The following RBMS3 variants were observed in gnomAD, a reference collection of about 807,000 sequenced individuals.
RBMS3 encodes the protein RNA-binding motif, single-stranded-interacting protein 3.
RBMS3 carries 27 observed loss-of-function variants against 66.8 expected under a neutral mutation model. The observed-to-expected ratio is 0.40, with a 90% CI of 0.30 to 0.56. The LOEUF (loss-of-function observed/expected upper bound fraction) is 0.56. Among genes scored for constraint, RBMS3 ranks in the 20% least tolerant of loss-of-function variants. RBMS3 has a pLI of 0.40. For missense variants in RBMS3, 513 were observed against 549.5 expected, an observed-to-expected ratio of 0.93 and a Z score of 0.66; for synonymous variants, 188 against 183.0, an observed-to-expected ratio of 1.03 and a Z score of -0.22.
rs114946258 is a variant in RBMS3 at position 29,837,539 on chromosome 3, C to T, written c.638-31319C>T. Reference sequence around the variant, plus strand: ...CAGAATCAGAGATAAAAGTTTGTACCCCCTCCCCGTCTGTATTGAGCTGCT... The same window carrying T: ...CAGAATCAGAGATAAAAGTTTGTACTCCCTCCCCGTCTGTATTGAGCTGCT... On this transcript the variant is annotated intron_variant, in intron 6 of 14. Coordinates refer to ENST00000383767, the MANE Select transcript of RBMS3 (RefSeq NM_001003793.3). 7.2e-3 allele frequency among the ~76,000 whole-genome samples: 1,092 copies of T among 150,750 alleles called. 11 individuals carry two copies. Among genetic ancestry groups the T allele is most frequent in the African/African-American group, 0.024 (989 of 41,132 alleles).
At chr3:29,543,803 C>T (rs1402805911) in intron 3 of RBMS3, among the ~76,000 whole-genome samples, 2 of 152,128 alleles carry the variant, frequency 1.3e-5, no homozygotes, top group African/African-American at 2.4e-5. Context: ...TGTTCTGTAA[C>T]CTGATCCTGA....
intron 4 of RBMS3, among the ~76,000 whole-genome samples, chr3:29,587,908 T>C (rs1001568048): frequency 2.0e-5 from 3 of 152,080 alleles, no homozygotes; most frequent in Admixed American, 2.0e-4. Flanking sequence ...AGAAAATAAG[T>C]TAAATTATTT....
intron 1 of RBMS3, among the ~76,000 whole-genome samples, chr3:29,359,092 G>C (rs1203443295): frequency 1.3e-5 from 2 of 152,166 alleles, no homozygotes; most frequent in Non-Finnish European, 1.5e-5. Context: ...TGTTGAATAG[G>C]AGTGGAGAGA....
chr3:29,401,765 G>T (rs1163009095), intron 1 of RBMS3, among the ~76,000 whole-genome samples: 1 of 152,036 alleles, frequency 6.6e-6, no homozygotes, highest in Non-Finnish European at 1.5e-5. Flanking sequence ...TTTAAACTTT[G>T]TGACACAGGG....
chr3:29,309,617 GC>G, intron 1 of RBMS3, among the ~76,000 whole-genome samples: 1 of 151,524 alleles, frequency 6.6e-6, no homozygotes, highest in Non-Finnish European at 1.5e-5. Context: ...GGTGGGGGGG[GC>G]GGTGGTGGCG....
chr3:29,989,235 A>T (rs1698656332), intron 13 of RBMS3, among the ~76,000 whole-genome samples: 1 of 152,270 alleles, frequency 6.6e-6, no homozygotes, highest in South Asian at 2.1e-4. Context: ...ATTGGGATAA[A>T]TCTATGCCCT....
At chr3:29,925,394 T>C (rs1335677499) in intron 10 of RBMS3, among the ~76,000 whole-genome samples, 2 of 152,066 alleles carry the variant, frequency 1.3e-5, no homozygotes, top group Non-Finnish European at 2.9e-5. Context: ...GAGGTTTCAG[T>C]GTGAAGGTTG....
intron 4 of RBMS3, among the ~76,000 whole-genome samples, chr3:29,628,048 G>A (rs980401209): frequency 3.3e-5 from 5 of 152,040 alleles, no homozygotes; most frequent in East Asian, 1.9e-4. Context: ...TTAAATTACC[G>A]GATTAAAAAC....
chr3:29,672,355 A>G (rs906853465), intron 4 of RBMS3, among the ~76,000 whole-genome samples: 2 of 152,206 alleles, frequency 1.3e-5, no homozygotes, highest in African/African-American at 4.8e-5. Flanking sequence ...AAGACCATCA[A>G]TGCTAGGAAG....
At chr3:29,572,903 C>T (rs1430724107) in intron 3 of RBMS3, among the ~76,000 whole-genome samples, 1 of 151,732 alleles carries the variant, frequency 6.6e-6, no homozygotes, top group Non-Finnish European at 1.5e-5. Flanking sequence ...CTGGGTTTTC[C>T]TTATTGGGAG....
chr3:29,612,541 T>C (rs2048527733), intron 4 of RBMS3, among the ~76,000 whole-genome samples: 1 of 152,070 alleles, frequency 6.6e-6, no homozygotes, highest in Admixed American at 6.6e-5. Flanking sequence ...TAAGGGAATA[T>C]GCCTTTACAT....
rs569148774 is a variant in RBMS3, at chr3:29,974,827, G to A, written c.1099-13316G>A. ...TTTATATATTTTATATATAAAATAC[G>A]TTTATATATTTATATTTTTATATAT... is the stretch of plus-strand genomic sequence containing the variant. On this transcript the variant is annotated intron_variant, in intron 12 of 14. Transcript: ENST00000383767. 1.3e-3 allele frequency among the ~76,000 whole-genome samples: 164 copies of A among 125,102 alleles called. 3 individuals carry two copies. Among genetic ancestry groups the A allele is most frequent in the African/African-American group, 4.3e-3 (139 of 32,000 alleles). The allele number at this position is 125,102 out of a possible 152,430, so 82.1% of individuals were successfully genotyped here. A position where few individuals can be genotyped will look rare whatever the true frequency, so the allele number is the denominator to read the frequency against.
Position 29,281,476 on chromosome 3 carries a change from T to C in RBMS3, c.-206T>C, listed in dbSNP as rs75125480. On this transcript the variant is annotated 5_prime_UTR_variant, in exon 1 of 15. Transcript: ENST00000383767. ...TTTCTACAGATCTCACTCCTCGCCCTTTTTTTTTTTCCTTTGGTGTGTGTT... is the reference window on the plus strand; with the variant it reads ...TTTCTACAGATCTCACTCCTCGCCCCTTTTTTTTTTCCTTTGGTGTGTGTT... 66 of 321,954 alleles carry C rather than the reference T, an allele frequency of 2.0e-4. No homozygotes were observed. In the East Asian group the frequency reaches 3.0e-3, roughly 15 times the overall value. The allele number at this position is 321,954 out of a possible 1,614,324, so 19.9% of individuals were successfully genotyped here.
In RBMS3 at chr3:29,388,904, C is replaced by A. The variant is rs76691821; in HGVS notation, c.76-45839C>A. 7.0e-3 allele frequency among the ~76,000 whole-genome samples: 1,066 copies of A among 152,294 alleles called. 13 individuals are homozygous for A. Among genetic ancestry groups the A allele is most frequent in the African/African-American group, 0.025 (1,020 of 41,574 alleles). Reference sequence around the variant, plus strand: ...GCAATGAGATACTACTATTTTCTTACAGAAAGAGCTTGCAGACCTGATGTC... The same window carrying A: ...GCAATGAGATACTACTATTTTCTTAAAGAAAGAGCTTGCAGACCTGATGTC... On this transcript the variant is annotated intron_variant, in intron 1 of 14. Transcript: ENST00000383767.
At chr3:29,316,473 A>G (rs954643978) in intron 1 of RBMS3, among the ~76,000 whole-genome samples, 11 of 151,664 alleles carry the variant, frequency 7.3e-5, no homozygotes, top group African/African-American at 2.4e-4. Flanking sequence ...TATTATCATC[A>G]TCAGGGATGA....
chr3:29,578,661 A>C (rs1464593363), intron 3 of RBMS3, among the ~76,000 whole-genome samples: 1 of 151,522 alleles, frequency 6.6e-6, no homozygotes. Context: ...ACCCTGTCCC[A>C]GGAAAATGCT....
At chr3:29,943,436 G>A (rs1289977035) in intron 11 of RBMS3, among the ~76,000 whole-genome samples, 1 of 151,810 alleles carries the variant, frequency 6.6e-6, no homozygotes, top group Non-Finnish European at 1.5e-5. Flanking sequence ...ATTGCAGTGA[G>A]CCAAAAGCTC....
chr3:29,358,067 A>G (rs2037336082), intron 1 of RBMS3, among the ~76,000 whole-genome samples: 1 of 152,098 alleles, frequency 6.6e-6, no homozygotes, highest in African/African-American at 2.4e-5. Context: ...CCATTTGTGA[A>G]TTTTGGCTTT....
intron 4 of RBMS3, chr3:29,698,267 G>A (rs62234933): frequency 0.017 from 16,401 of 985,366 alleles, 152 homozygotes; most frequent in Middle Eastern, 0.022. Flanking sequence ...AGCAAATGCA[G>A]CCATGGCAAA....
Sources: allele counts gnomAD v4.1 joint callset (sites outside exome capture counted in the v4.1 genomes callset), GRCh38; gene constraint gnomAD v4.1.1; transcripts MANE v1.5; gene names NCBI Gene and HGNC (gene_info 2026-07-23, HGNC 2026-07-21).